ZNF786: variants seen among roughly 807,000 people sequenced by gnomAD.
The protein encoded by ZNF786 is zinc finger protein 786.
In ZNF786, 56 loss-of-function variants were observed where a neutral mutation model predicts 63.1. That is an observed-to-expected ratio of 0.89 (90% CI 0.72 to 1.11). The LOEUF (loss-of-function observed/expected upper bound fraction) is 1.11. Ranked by LOEUF, ZNF786 falls within the 50% of genes least tolerant of loss-of-function variation. The pLI is 0.00. For synonymous variants in ZNF786, 485 were observed against 406.9 expected (o/e 1.19, Z -2.31); for missense variants, 1,213 against 1,041.8 (o/e 1.16, Z -2.26).
chr7:149,079,046 CCACTTTAAAAA>C (rs1825610455), intron 2 of ZNF786, among the ~76,000 whole-genome samples: 1 of 152,160 alleles, frequency 6.6e-6, no homozygotes, highest in South Asian at 2.1e-4. Flanking sequence ...TTGGAGGAAG[CCACTTTAAAAA>C]CTAAAACAAA....
chr7:149,070,278 C>G lies in ZNF786; in HGVS notation c.*145G>C. On this transcript the variant is annotated 3_prime_UTR_variant, in exon 4 of 4. Coordinates refer to ENST00000491431, the MANE Select transcript of ZNF786 (RefSeq NM_152411.4). ...TCTGAAGAGAAAATCCTTTGTGGTT[C>G]TTCATATTCCTAACTTGCATGACAC... 1.0e-6 allele frequency: 1 copy of G among 974,672 alleles called. No individual in the cohort carries two copies. The allele number at this position is 974,672 out of a possible 1,614,324, so 60.4% of individuals were successfully genotyped here. A position where few individuals can be genotyped will look rare whatever the true frequency, so the allele number is the denominator to read the frequency against.
intron 1 of ZNF786, among the ~76,000 whole-genome samples, chr7:149,082,054 C>G (rs1008855218): frequency 1.3e-5 from 2 of 152,178 alleles, no homozygotes; most frequent in African/African-American, 2.4e-5. Flanking sequence ...TGGTTTGGCT[C>G]TGTGTCCCCA....
rs757892586 is a variant in ZNF786 at position 149,070,867 on chromosome 7, G to A, written c.1905C>T (p.Asp635=). 7 of 1,612,584 alleles carry A rather than the reference G, an allele frequency of 4.3e-6. No homozygotes were observed. The Admixed American group carries it at 5.0e-5, about 12-fold the overall frequency. ...ECDKRYRVKA[D]MKAHQLLHSG... ...TGTGCAGCAGCTGGTGGGCCTTCAT[G>A]TCGGCCTTCACGCGATAGCGCTTGT... Residue 635 remains aspartate (D), a synonymous_variant, in exon 4 of 4, where the codon GAC becomes GAT. Coordinates refer to ENST00000491431, the MANE Select transcript of ZNF786 (RefSeq NM_152411.4).
chr7:149,086,624 T>TCA (rs1491556182), intron 1 of ZNF786, among the ~76,000 whole-genome samples: 34 of 87,490 alleles, frequency 3.9e-4, no homozygotes, highest in South Asian at 5.7e-4. Flanking sequence ...CGACACTCTG[T>TCA]CTCACACACA....
At chr7:149,076,192 G>A (rs1429055577) in intron 2 of ZNF786, among the ~76,000 whole-genome samples, 1 of 151,664 alleles carries the variant, frequency 6.6e-6, no homozygotes, top group Non-Finnish European at 1.5e-5. Flanking sequence ...TCAGCTCACC[G>A]CAGCCTCCGC....
rs750221858 is a variant in ZNF786, at chr7:149,072,318, G to A, written c.454C>T (p.Leu152=). ...GTAGATTCACTGGGGCCGCAGGCTA[G>A]TGGTGGAGGAGCCCTGGCGTCGTGT... The part of the protein sequence containing the change: ...QRHDARAPPP[L]ACGPSESTLK... The change falls in exon 4 of 4, where the codon CTA becomes TTA. Residue 152 remains leucine, a synonymous_variant. Coordinates refer to ENST00000491431, the MANE Select transcript of ZNF786 (RefSeq NM_152411.4). 6 of 1,613,746 alleles carry A rather than the reference G, an allele frequency of 3.7e-6. No homozygotes were observed. Among genetic ancestry groups the A allele is most frequent in the Admixed American group, 1.7e-5 (1 of 59,976 alleles).
intron 1 of ZNF786, chr7:149,081,355 G>C: frequency 3.0e-6 from 1 of 332,096 alleles, no homozygotes; most frequent in South Asian, 2.2e-5. Flanking sequence ...AGAATTGCTT[G>C]AACCTAGGAG....
In ZNF786 at chr7:149,070,752, T is replaced by C; in HGVS notation, c.2020A>G (p.Lys674Glu). The C allele has an allele frequency of 1.9e-6, 3 of 1,613,740 alleles. No homozygotes were observed. The highest frequency in any genetic ancestry group is 2.5e-6 in the Non-Finnish European group (3 of 1,179,944). The change falls in exon 4 of 4, where the codon AAG becomes GAG. Residue 674 changes from lysine (K) to glutamate (E), a missense_variant. Coordinates refer to ENST00000491431, the MANE Select transcript of ZNF786 (RefSeq NM_152411.4). ...IEHIRTHTGE[K>E]PFQCPKCDKS... Reference sequence around the variant, plus strand: ...TCACACTTGGGACACTGAAAAGGCTTCTCTCCCGTGTGCGTTCTGATGTGC... The same window carrying C: ...TCACACTTGGGACACTGAAAAGGCTCCTCTCCCGTGTGCGTTCTGATGTGC...
intron 1 of ZNF786, 44 bp from the exon 2 acceptor site, chr7:149,080,761 A>G (rs1825638577): frequency 1.3e-6 from 2 of 1,551,664 alleles, no homozygotes; most frequent in Middle Eastern, 1.7e-4. Context: ...GGTTGCTTCA[A>G]AATGACTCCA....
chr7:149,073,747 G>GTGTGTGTGTGTGTGTGTA, intron 3 of ZNF786, among the ~76,000 whole-genome samples: 1 of 77,570 alleles, frequency 1.3e-5, no homozygotes, highest in East Asian at 5.3e-4. Context: ...GTGTGTGTGT[G>GTGTGTGTGTGTGTGTGTA]TATATATATA....
In ZNF786 at chr7:149,090,641, G is replaced by A. The variant is rs1162680330; in HGVS notation, c.-1C>T. ...CGCTTACCCGAGGCGGCTCCGCCAT[G>A]GTCCCCGCGGTCCCGCCCGGCCCTG... On this transcript the variant is annotated 5_prime_UTR_variant, in exon 1 of 4. Coordinates refer to ENST00000491431, the MANE Select transcript of ZNF786 (RefSeq NM_152411.4). 6.3e-7 allele frequency: 1 copy of A among 1,588,670 alleles called. No homozygotes were observed. Among genetic ancestry groups the A allele is most frequent in the South Asian group, 1.1e-5 (1 of 88,148 alleles).
chr7:149,070,653 G>T lies in ZNF786; in HGVS notation c.2119C>A (p.Pro707Thr). 1 of 1,613,948 alleles carries T rather than the reference G, an allele frequency of 6.2e-7. No individual in the cohort carries two copies. Among genetic ancestry groups the T allele is most frequent in the Non-Finnish European group, 8.5e-7 (1 of 1,179,888 alleles). Residue 707 changes from proline to threonine, a missense_variant, in exon 4 of 4, where the codon CCT becomes ACT. Coordinates refer to ENST00000491431, the MANE Select transcript of ZNF786 (RefSeq NM_152411.4). ...TCCCGGAAGTTCTTGTCACACTCAG[G>T]GCAGTGAAAAGGCCTCTCCCCTGTG... ...LHTGERPFHC[P>T]ECDKNFRERG... is the part of the protein sequence containing the mutation.
At chr7:149,077,402 T>C (rs1825571771) in intron 2 of ZNF786, among the ~76,000 whole-genome samples, 1 of 151,824 alleles carries the variant, frequency 6.6e-6, no homozygotes, top group Non-Finnish European at 1.5e-5. Flanking sequence ...CCAAGGCGGG[T>C]GGATCATGAG....
intron 1 of ZNF786, among the ~76,000 whole-genome samples, chr7:149,085,191 G>A (rs1367969022): frequency 1.3e-5 from 2 of 151,046 alleles, no homozygotes; most frequent in Non-Finnish European, 2.9e-5. Context: ...TTTGGTTACT[G>A]TAGCCTTGTA....
At chr7:149,089,713 G>A (rs1284577415) in intron 1 of ZNF786, among the ~76,000 whole-genome samples, 1 of 151,648 alleles carries the variant, frequency 6.6e-6, no homozygotes, top group Non-Finnish European at 1.5e-5. Context: ...CATATATATA[G>A]GTATGTATAT....
At chr7:149,073,763 ATATATATATATATATATG>A (rs1202164364) in intron 3 of ZNF786, among the ~76,000 whole-genome samples, 48 of 105,496 alleles carry the variant, frequency 4.5e-4, no homozygotes, top group South Asian at 4.4e-3. Context: ...ATATATATAT[ATATATATATATATATATG>A]TATATATATA....
chr7:149,085,517 A>G (rs565759066), intron 1 of ZNF786, among the ~76,000 whole-genome samples: 17 of 152,290 alleles, frequency 1.1e-4, no homozygotes, highest in African/African-American at 4.1e-4. Flanking sequence ...GGGTTTCACC[A>G]TATTGGCCAG....
intron 2 of ZNF786, among the ~76,000 whole-genome samples, chr7:149,079,982 T>C (rs1362833001): frequency 6.8e-6 from 1 of 147,780 alleles, no homozygotes; most frequent in Admixed American, 6.8e-5. Flanking sequence ...GACCATCCTG[T>C]CCAACATGGT....
Position 149,070,932 on chromosome 7 carries a change from G to A in ZNF786, c.1840C>T (p.Leu614=), listed in dbSNP as rs973965497. 7 of 1,613,102 alleles carry A rather than the reference G, an allele frequency of 4.3e-6. No homozygotes were observed. The highest frequency in any genetic ancestry group is 1.1e-5 in the South Asian group (1 of 91,078). ...LKGQLLSHQR[L]HTGERPFQCP... The stretch of plus-strand genomic sequence containing the variant: ...TGGAAGGGCCTCTCTCCCGTGTGCA[G>A]GCGCTGATGGCTGAGCAGCTGCCCC... The change falls in exon 4 of 4, where the codon CTG becomes TTG. Residue 614 remains leucine, a synonymous_variant. Coordinates refer to ENST00000491431, the MANE Select transcript of ZNF786 (RefSeq NM_152411.4).
Sources: gnomAD v4.1 joint callset for allele counts (sites outside exome capture counted in the v4.1 genomes callset) on GRCh38, gnomAD v4.1.1 for gene constraint, MANE v1.5 for transcripts, NCBI Gene and HGNC (gene_info 2026-07-23, HGNC 2026-07-21) for gene names.